The following UBE2E2 variants were observed in gnomAD, a reference collection of about 807,000 sequenced individuals.
UBE2E2 encodes ubiquitin conjugating enzyme E2 E2, also known as ubiquitin-conjugating enzyme E2 E2.
A neutral mutation model predicts 24.7 loss-of-function variants in UBE2E2; 6 were observed. The observed-to-expected ratio is 0.24, with a 90% CI of 0.13 to 0.48. The LOEUF is 0.48. Among genes scored for constraint, UBE2E2 ranks in the 20% least tolerant of loss-of-function variants. UBE2E2 has a pLI of 0.99. For missense variants in UBE2E2, 169 were observed against 245.0 expected (o/e 0.69, Z 2.07); for synonymous variants, 104 against 83.6 (o/e 1.24, Z -1.33).
rs185567180 is a variant in UBE2E2, at chr3:23,422,398, C to A, written c.228-77210C>A. Among the ~76,000 whole-genome samples, 17 of 152,296 alleles carry A rather than the reference C, an allele frequency of 1.1e-4. No homozygotes were observed. The East Asian group carries it at 3.3e-3, about 29-fold the overall frequency. On this transcript the variant is annotated intron_variant, in intron 3 of 5. Transcript: ENST00000396703. ...GAAGGAAGAATCTACTCTGCTGCTT[C>A]CCAGCTGCAGCTTACTGTCACCAGT...
chr3:23,267,609 C>T (rs1418967677), intron 3 of UBE2E2, among the ~76,000 whole-genome samples: 6 of 151,672 alleles, frequency 4.0e-5, no homozygotes, highest in African/African-American at 7.3e-5. Flanking sequence ...GATTCACAGC[C>T]GAATTCTACC....
intron 3 of UBE2E2, among the ~76,000 whole-genome samples, chr3:23,458,508 G>C (rs1005686825): frequency 1.4e-4 from 21 of 151,842 alleles, no homozygotes; most frequent in Non-Finnish European, 1.5e-4. Context: ...AGCTCCGCCT[G>C]CCGGGTTCAC....
intron 3 of UBE2E2, among the ~76,000 whole-genome samples, chr3:23,490,406 A>G (rs1699471257): frequency 2.0e-5 from 3 of 152,350 alleles, no homozygotes; most frequent in South Asian, 4.1e-4. Flanking sequence ...AATGTAGCTT[A>G]AAAAGAAAAG....
At chr3:23,333,071 T>A (rs1332219942) in intron 3 of UBE2E2, among the ~76,000 whole-genome samples, 1 of 152,144 alleles carries the variant, frequency 6.6e-6, no homozygotes, top group African/African-American at 2.4e-5. Context: ...CCCACTGATA[T>A]CTCTATATTG....
rs563322799 is a variant in UBE2E2, at chr3:23,474,047, C to T, written c.228-25561C>T. On this transcript the variant is annotated intron_variant, in intron 3 of 5. Transcript: ENST00000396703. The surrounding 1 kb of genome is among the most constrained non-coding windows in gnomAD (Gnocchi z 4.0). ...GTGTAGAAGTATTCCCTTTTCACCG[C>T]ATCTATGCCAACATATATATATTTT... Among the ~76,000 whole-genome samples, 40 of 152,064 alleles carry T rather than the reference C, an allele frequency of 2.6e-4. No individual in the cohort carries two copies. Among genetic ancestry groups the T allele is most frequent in the Non-Finnish European group, 4.7e-4 (32 of 68,036 alleles).
chr3:23,501,829 C>G (rs1407374608), intron 4 of UBE2E2, among the ~76,000 whole-genome samples: 2 of 152,024 alleles, frequency 1.3e-5, no homozygotes, highest in Non-Finnish European at 2.9e-5. Context: ...CAAGAAAAAA[C>G]TGAGTTACTA....
chr3:23,340,322 T>G (rs1180711651), intron 3 of UBE2E2, among the ~76,000 whole-genome samples: 1 of 152,178 alleles, frequency 6.6e-6, no homozygotes, highest in African/African-American at 2.4e-5. Context: ...ATTTATAAAT[T>G]GGTTATGGAA....
intron 4 of UBE2E2, among the ~76,000 whole-genome samples, chr3:23,526,805 G>A (rs994131400): frequency 8.5e-5 from 13 of 152,076 alleles, no homozygotes; most frequent in African/African-American, 3.1e-4. Flanking sequence ...AATAGAAGTT[G>A]ACAAACATCA....
chr3:23,480,609 C>T (rs547642977), intron 3 of UBE2E2, among the ~76,000 whole-genome samples: 96 of 136,690 alleles, frequency 7.0e-4, no homozygotes, highest in Middle Eastern at 8.0e-3. Flanking sequence ...CCGCCATGAA[C>T]AGAGCAAGAC....
chr3:23,368,793 TA>T (rs1696326617), intron 3 of UBE2E2, among the ~76,000 whole-genome samples: 1 of 152,224 alleles, frequency 6.6e-6, no homozygotes, highest in African/African-American at 2.4e-5. Context: ...AAAAAAGTCA[TA>T]AAATATACTG....
chr3:23,214,930 A>G (rs1696434424), intron 2 of UBE2E2, among the ~76,000 whole-genome samples: 1 of 151,914 alleles, frequency 6.6e-6, no homozygotes, highest in South Asian at 2.1e-4. Context: ...TAATACACTT[A>G]TTTCTCATTG....
Position 23,363,625 on chromosome 3 carries a change from C to T in UBE2E2, c.228-135983C>T, listed in dbSNP as rs574832363. On this transcript the variant is annotated intron_variant, in intron 3 of 5. Coordinates refer to ENST00000396703, the MANE Select transcript of UBE2E2 (RefSeq NM_152653.4). ...TATTCTAAATATATATGTACCCACC[C>T]CTGGAGCACCCAGACTCATAAACAA... 5.3e-5 allele frequency among the ~76,000 whole-genome samples: 8 copies of T among 152,270 alleles called. No homozygotes were observed. In the South Asian group the frequency reaches 1.7e-3, roughly 32 times the overall value.
chr3:23,372,889 A>T (rs1696431650), intron 3 of UBE2E2, among the ~76,000 whole-genome samples: 1 of 152,180 alleles, frequency 6.6e-6, no homozygotes, highest in Non-Finnish European at 1.5e-5. Flanking sequence ...ATTGGACCAG[A>T]AGTACTTCTT....
chr3:23,458,451 T>C (rs1412354050), intron 3 of UBE2E2, among the ~76,000 whole-genome samples: 2 of 139,504 alleles, frequency 1.4e-5, no homozygotes, highest in Admixed American at 6.9e-5. Context: ...AGACGGAGTC[T>C]CTATCGCCCA....
chr3:23,388,258 G>A (rs1696851517), intron 3 of UBE2E2, among the ~76,000 whole-genome samples: 1 of 152,128 alleles, frequency 6.6e-6, no homozygotes, highest in Middle Eastern at 3.2e-3. Context: ...TAATTATATT[G>A]TAATTACATT....
At chr3:23,263,792 A>G (rs1697966262) in intron 3 of UBE2E2, among the ~76,000 whole-genome samples, 1 of 152,184 alleles carries the variant, frequency 6.6e-6, no homozygotes, top group African/African-American at 2.4e-5. Context: ...AGCTTGGTTC[A>G]TAGATGGTGT....
intron 3 of UBE2E2, among the ~76,000 whole-genome samples, chr3:23,310,184 G>A (rs1170072329): frequency 6.6e-6 from 1 of 152,050 alleles, no homozygotes; most frequent in East Asian, 1.9e-4. Flanking sequence ...CAGGTGACTT[G>A]AGACTACAGT....
chr3:23,515,998 C>T (rs11715736), intron 4 of UBE2E2, among the ~76,000 whole-genome samples: 1 of 151,818 alleles, frequency 6.6e-6, no homozygotes, highest in Non-Finnish European at 1.5e-5. Flanking sequence ...TAAAAAGGAG[C>T]AACCAGATTA....
At position 23,584,735 on chromosome 3, in the gene UBE2E2, T is replaced by G. The variant is rs912423731; in HGVS notation, c.509-4999T>G. On this transcript the variant is annotated intron_variant, in intron 5 of 5. Transcript: ENST00000396703. ...CACCCAGCTGTTTTTTGTTTTTTTT[T>G]TTTTTTTTTTTTTTTTGTAGAGATG... Among the ~76,000 whole-genome samples the G allele has an allele frequency of 4.0e-3, 588 of 145,312 alleles. 2 individuals carry two copies. The highest frequency in any genetic ancestry group is 9.2e-3 in the African/African-American group (361 of 39,232).
Sources: gnomAD v4.1 joint callset for allele counts (sites outside exome capture counted in the v4.1 genomes callset) on GRCh38, gnomAD v4.1.1 for gene constraint, Gnocchi (gnomAD v3.1) non-coding constraint, MANE v1.5 for transcripts, NCBI Gene and HGNC (gene_info 2026-07-23, HGNC 2026-07-21) for gene names.